The following CNTNAP2 variants were observed in gnomAD, a reference collection of about 807,000 sequenced individuals.
The protein encoded by CNTNAP2 is contactin-associated protein-like 2.
A neutral mutation model predicts 155.2 loss-of-function variants in CNTNAP2; 98 were observed. The observed-to-expected ratio is 0.63, with a 90% confidence interval of 0.54 to 0.75. The LOEUF (loss-of-function observed/expected upper bound fraction) is 0.75. CNTNAP2 is among the 30% of genes least tolerant of loss of function. CNTNAP2 has a pLI of 0.00. For synonymous variants in CNTNAP2, 651 were observed against 631.2 expected (o/e 1.03, Z -0.47); for missense variants, 1,727 against 1,688.1 (o/e 1.02, Z -0.40).
intron 20 of CNTNAP2, among the ~76,000 whole-genome samples, chr7:148,240,744 A>G (rs1306193155): frequency 6.6e-6 from 1 of 152,194 alleles, no homozygotes; most frequent in Non-Finnish European, 1.5e-5. Flanking sequence ...GATTCCTAAA[A>G]CCTCAAAAGT....
At chr7:146,642,936 T>C (rs1046321195) in intron 1 of CNTNAP2, among the ~76,000 whole-genome samples, 1 of 151,664 alleles carries the variant, frequency 6.6e-6, no homozygotes, top group Non-Finnish European at 1.5e-5. Flanking sequence ...TTCATGTGTT[T>C]TTTGGCTGCA....
intron 18 of CNTNAP2, among the ~76,000 whole-genome samples, chr7:148,200,161 C>A (rs756240382): frequency 6.6e-6 from 1 of 152,220 alleles, no homozygotes; most frequent in Non-Finnish European, 1.5e-5. Context: ...ACTCAGAAAT[C>A]ATGTTTTATC....
chr7:146,906,005 C>T (rs994785014), intron 3 of CNTNAP2, among the ~76,000 whole-genome samples: 2 of 152,212 alleles, frequency 1.3e-5, no homozygotes, highest in African/African-American at 4.8e-5. Flanking sequence ...CGCAAGGGGT[C>T]AGGGAGTTCC....
At chr7:148,396,561 A>G (rs540870472) in intron 22 of CNTNAP2, among the ~76,000 whole-genome samples, 5 of 152,202 alleles carry the variant, frequency 3.3e-5, no homozygotes, top group African/African-American at 9.7e-5. Flanking sequence ...CTGCTGGCCA[A>G]TCAGCACCTC....
At chr7:146,431,206 A>C (rs1401430802) in intron 1 of CNTNAP2, among the ~76,000 whole-genome samples, 1 of 152,038 alleles carries the variant, frequency 6.6e-6, no homozygotes, top group African/African-American at 2.4e-5. Context: ...TCCATTTAAA[A>C]AATACAAACT....
chr7:146,244,926 G>A (rs1011329549), intron 1 of CNTNAP2, among the ~76,000 whole-genome samples: 6 of 151,884 alleles, frequency 4.0e-5, no homozygotes, highest in African/African-American at 9.7e-5. Flanking sequence ...GCAAATCCTC[G>A]AGCTTGATGT....
intron 16 of CNTNAP2, among the ~76,000 whole-genome samples, chr7:148,118,515 C>T (rs2116608970): frequency 6.6e-6 from 1 of 152,204 alleles, no homozygotes; most frequent in Non-Finnish European, 1.5e-5. Flanking sequence ...AGCAATTAGT[C>T]AAGAAGATGA....
intron 13 of CNTNAP2, among the ~76,000 whole-genome samples, chr7:147,801,959 AC>A (rs1156738943): frequency 1.6e-5 from 2 of 126,398 alleles, no homozygotes. Flanking sequence ...GGGGGCTGAC[AC>A]CCCCACCTCC....
intron 13 of CNTNAP2, among the ~76,000 whole-genome samples, chr7:147,768,608 A>G (rs1384193833): frequency 1.3e-5 from 2 of 152,076 alleles, no homozygotes; most frequent in Non-Finnish European, 1.5e-5. Context: ...TTTAAAGATG[A>G]TTCATTTGAG....
At chr7:146,676,942 C>A (rs1800408451) in intron 1 of CNTNAP2, among the ~76,000 whole-genome samples, 1 of 152,120 alleles carries the variant, frequency 6.6e-6, no homozygotes. Context: ...CATATTGGCA[C>A]TTCTACACTA....
Position 146,274,442 on chromosome 7 carries a change from T to C in CNTNAP2, c.97+157469T>C, listed in dbSNP as rs557277557. On this transcript the variant is annotated intron_variant, in intron 1 of 23. Coordinates refer to ENST00000361727, the MANE Select transcript of CNTNAP2 (RefSeq NM_014141.6). ...CCAGACTAAAAGGAAGGCATCTGTT[T>C]GATTCTATAGTAACACAAACATAAA... Among the ~76,000 whole-genome samples the C allele has an allele frequency of 2.0e-3, 308 of 152,322 alleles. 3 individuals carry two copies. The highest frequency in any genetic ancestry group is 7.0e-3 in the African/African-American group (289 of 41,574).
chr7:148,022,480 A>AAAAAAGAAAAAAAGAAAAG lies in CNTNAP2; in HGVS notation c.2383+44495_2383+44496insAGAAAAAAAGAAAAGAAAA, dbSNP rs1554463127. Among the ~76,000 whole-genome samples the AAAAAAGAAAAAAAGAAAAG allele has an allele frequency of 3.6e-4, 50 of 138,310 alleles. 1 individual carries two copies. The East Asian group carries it at 6.7e-3, about 19-fold the overall frequency. 90.7% of individuals were successfully genotyped at this position (138,310 alleles called of 152,430 possible). A position where few individuals can be genotyped will look rare whatever the true frequency, so the allele number is the denominator to read the frequency against. On this transcript the variant is annotated intron_variant, in intron 15 of 23. Transcript: ENST00000361727. ...GGAGACTCCGTCTCAAAAAAAAAAA[A>AAAAAAGAAAAAAAGAAAAG]AAAAGAAAAGAAAAGAAAAAGAATC...
At chr7:146,879,925 A>G (rs576599366) in intron 3 of CNTNAP2, among the ~76,000 whole-genome samples, 20 of 152,180 alleles carry the variant, frequency 1.3e-4, no homozygotes, top group East Asian at 5.8e-4. Context: ...CAAAAGGCAC[A>G]TCTTACATGG....
chr7:148,357,527 G>T (rs1398636820), intron 21 of CNTNAP2, among the ~76,000 whole-genome samples: 2 of 152,100 alleles, frequency 1.3e-5, no homozygotes, highest in Non-Finnish European at 1.5e-5. Context: ...AGTTCAGTTG[G>T]CACTGACACC....
intron 1 of CNTNAP2, among the ~76,000 whole-genome samples, chr7:146,211,469 G>A (rs1425133485): frequency 6.6e-6 from 1 of 152,072 alleles, no homozygotes; most frequent in African/African-American, 2.4e-5. Flanking sequence ...TTTTAATGCT[G>A]TATTTTTAAT....
intron 1 of CNTNAP2, among the ~76,000 whole-genome samples, chr7:146,331,298 C>A (rs1411226922): frequency 7.3e-6 from 1 of 136,436 alleles, no homozygotes; most frequent in Non-Finnish European, 1.5e-5. Context: ...AGCGAGACTC[C>A]GTCTCAAAAA....
chr7:147,761,626 C>T (rs374195880), intron 13 of CNTNAP2, among the ~76,000 whole-genome samples: 3 of 151,958 alleles, frequency 2.0e-5, no homozygotes, highest in Non-Finnish European at 4.4e-5. Flanking sequence ...ATGCTGTACT[C>T]GAGGAGGATA....
At chr7:148,381,352 T>C (rs1043803330) in intron 21 of CNTNAP2, 2 of 152,216 alleles carry the variant, frequency 1.3e-5, no homozygotes, top group African/African-American at 4.8e-5. Context: ...AGAAATGACA[T>C]CACACAAATT....
At chr7:146,875,188 G>A (rs185240938) in intron 3 of CNTNAP2, among the ~76,000 whole-genome samples, 5 of 152,146 alleles carry the variant, frequency 3.3e-5, no homozygotes, top group African/African-American at 9.7e-5. Flanking sequence ...GAGATTGTAA[G>A]TGGCATTTTG....
Sources: allele counts gnomAD v4.1 joint callset (sites outside exome capture counted in the v4.1 genomes callset), GRCh38; gene constraint gnomAD v4.1.1; transcripts MANE v1.5; gene names NCBI Gene and HGNC (gene_info 2026-07-23, HGNC 2026-07-21).